The following BLM variants were observed in gnomAD, a reference collection of about 807,000 sequenced individuals.
The protein encoded by BLM is recQ-like DNA helicase BLM.
BLM carries 95 observed loss-of-function variants against 135.3 expected under a neutral mutation model. That is an observed-to-expected ratio of 0.70 (90% confidence interval 0.59 to 0.83). The LOEUF is 0.83. Ranked by LOEUF, BLM falls within the 40% of genes least tolerant of loss-of-function variation. The pLI, the probability that BLM is intolerant of heterozygous loss-of-function variation, is 0.00. For missense variants in BLM, 1,518 were observed against 1,663.9 expected, an observed-to-expected ratio of 0.91 and a Z score of 1.53; for synonymous variants, 520 against 589.2, an observed-to-expected ratio of 0.88 and a Z score of 1.70.
At chr15:90,770,062 CTA>C (rs1272405536) in intron 12 of BLM, among the ~76,000 whole-genome samples, 1 of 151,972 alleles carries the variant, frequency 6.6e-6, no homozygotes, top group African/African-American at 2.4e-5. Context: ...AGTCCAGATA[CTA>C]TGTCGAATAG....
At position 90,760,826 on chromosome 15, in the gene BLM, A is replaced by C. The variant is rs1895958352; in HGVS notation, c.1453A>C (p.Asn485His). 6.2e-7 allele frequency: 1 copy of C among 1,613,960 alleles called. No individual in the cohort carries two copies. Among genetic ancestry groups the C allele is most frequent in the Non-Finnish European group, 8.5e-7 (1 of 1,180,032 alleles). Residue 485 changes from asparagine (N) to histidine (H), a missense_variant, in exon 7 of 22, where the codon AAT (asparagine) becomes CAT (histidine). Transcript: ENST00000355112. Reference sequence around the variant, plus strand: ...GACAGGATTCTCTGCCACCAGGAAGAATCTTTTTGAAAGGCCTTTATTCAA... The same window carrying C: ...GACAGGATTCTCTGCCACCAGGAAGCATCTTTTTGAAAGGCCTTTATTCAA... Reference protein sequence around the residue: ...GKTGFSATRKNLFERPLFNTH... With the variant: ...GKTGFSATRKHLFERPLFNTH...
chr15:90,794,386 T>A (rs1896981552), intron 16 of BLM, 29 bp downstream of exon 16: 1 of 1,472,330 alleles, frequency 6.8e-7, no homozygotes, highest in East Asian at 2.5e-5. Flanking sequence ...AAATTCTTTA[T>A]AATTAAATTT....
intron 12 of BLM, among the ~76,000 whole-genome samples, chr15:90,770,467 T>C (rs547710179): frequency 6.6e-5 from 10 of 152,202 alleles, no homozygotes; most frequent in Non-Finnish European, 1.2e-4. Context: ...TGAGCCACCG[T>C]GCCCGGCCAA....
At chr15:90,805,883 T>C (rs907725498) in intron 19 of BLM, among the ~76,000 whole-genome samples, 1 of 151,992 alleles carries the variant, frequency 6.6e-6, no homozygotes, top group Non-Finnish European at 1.5e-5. Context: ...GTGCTGATTA[T>C]TTGCCTGCTT....
chr15:90,735,980 A>T (rs184415493), intron 1 of BLM, among the ~76,000 whole-genome samples: 4 of 152,360 alleles, frequency 2.6e-5, no homozygotes, highest in African/African-American at 7.2e-5. Context: ...ACAATTTTTT[A>T]AAAAGATTCA....
intron 16 of BLM, among the ~76,000 whole-genome samples, chr15:90,797,196 C>T (rs1182179235): frequency 1.3e-5 from 2 of 151,908 alleles, no homozygotes; most frequent in African/African-American, 4.8e-5. Context: ...GGCGGATCAC[C>T]TGAGGTCAGG....
chr15:90,742,759 C>T (rs1211134820), intron 1 of BLM, among the ~76,000 whole-genome samples: 3 of 151,948 alleles, frequency 2.0e-5, no homozygotes, highest in Admixed American at 1.3e-4. Context: ...CCTCAGCCTC[C>T]TGAGTAACTG....
At chr15:90,721,069 A>T (rs1321282461) in intron 1 of BLM, among the ~76,000 whole-genome samples, 1 of 152,184 alleles carries the variant, frequency 6.6e-6, no homozygotes, top group African/African-American at 2.4e-5. Context: ...TATTTATTTT[A>T]GTGAATCAGT....
At chr15:90,796,456 G>A (rs867783096) in intron 16 of BLM, among the ~76,000 whole-genome samples, 1 of 152,158 alleles carries the variant, frequency 6.6e-6, no homozygotes, top group Admixed American at 6.5e-5. Context: ...CTGTCACAAC[G>A]ACTCACAGCT....
intron 19 of BLM, among the ~76,000 whole-genome samples, chr15:90,806,556 A>T (rs568076914): frequency 3.0e-4 from 46 of 151,228 alleles, no homozygotes; most frequent in Non-Finnish European, 5.6e-4. Context: ...TAGTTTCCTT[A>T]TGAAGAGATT....
intron 1 of BLM, among the ~76,000 whole-genome samples, chr15:90,733,762 A>G (rs985961639): frequency 2.0e-5 from 3 of 151,028 alleles, no homozygotes; most frequent in Non-Finnish European, 4.4e-5. Context: ...ATCACTCTCA[A>G]AAGTTTCCTC....
chr15:90,787,917 T>G (rs1264366111), intron 14 of BLM, among the ~76,000 whole-genome samples: 2 of 150,704 alleles, frequency 1.3e-5, no homozygotes, highest in African/African-American at 4.9e-5. Flanking sequence ...GCCACTGTAC[T>G]CCAGCCTGGG....
intron 16 of BLM, among the ~76,000 whole-genome samples, chr15:90,795,137 A>C (rs959178265): frequency 6.6e-6 from 1 of 152,322 alleles, no homozygotes; most frequent in Admixed American, 6.5e-5. Flanking sequence ...CATGGTATGG[A>C]CCAATTCATA....
In BLM at chr15:90,751,857, A is replaced by G. The variant is rs757016773; in HGVS notation, c.870A>G (p.Glu290=). The G allele has an allele frequency of 3.7e-6, 6 of 1,612,744 alleles. No homozygotes were observed. The South Asian group carries it at 6.6e-5, about 18-fold the overall frequency. Residue 290 remains glutamate (E), a synonymous_variant, in exon 4 of 22, where the codon GAA becomes GAG. Coordinates refer to ENST00000355112, the MANE Select transcript of BLM (RefSeq NM_000057.4). The part of the protein sequence containing the change: ...LHSTEKVPCI[E]FDDDDYDTDF... ...CAACTGAGAAAGTTCCATGTATTGA[A>G]TTTGATGATGATGATTATGATACGG...
chr15:90,733,660 T>C (rs1895124701), intron 1 of BLM, among the ~76,000 whole-genome samples: 1 of 152,254 alleles, frequency 6.6e-6, no homozygotes, highest in Non-Finnish European at 1.5e-5. Flanking sequence ...AAAGTAGCTT[T>C]ATTGATATAG....
rs534671198 is a variant in BLM at position 90,782,629 on chromosome 15, T to C, written c.2556-193T>C. 2.6e-5 allele frequency among the ~76,000 whole-genome samples: 4 copies of C among 152,150 alleles called. No individual in the cohort carries two copies. In the South Asian group the frequency reaches 8.3e-4, roughly 32 times the overall value. ...ATGCGGGTGGGGAGAGCCAGCAAGG[T>C]CTCTACTTATTTTTGAGCACTTATC... On this transcript the variant is annotated intron_variant, in intron 12 of 21. Transcript: ENST00000355112.
chr15:90,766,668 T>C (rs1036364735), intron 9 of BLM, among the ~76,000 whole-genome samples: 4 of 152,200 alleles, frequency 2.6e-5, no homozygotes, highest in African/African-American at 7.2e-5. Flanking sequence ...CCCCAAGTGA[T>C]CCACCTGCCT....
intron 1 of BLM, among the ~76,000 whole-genome samples, chr15:90,727,590 G>C (rs994876598): frequency 1.3e-5 from 2 of 152,094 alleles, no homozygotes; most frequent in Admixed American, 6.6e-5. Flanking sequence ...TAAGTGACCA[G>C]CCCTCAATAA....
intron 1 of BLM, among the ~76,000 whole-genome samples, chr15:90,742,175 G>A (rs1895380149): frequency 6.6e-6 from 1 of 152,170 alleles, no homozygotes; most frequent in South Asian, 2.1e-4. Context: ...AGGTAAAGCT[G>A]AGGTTCATAA....
Sources: allele counts gnomAD v4.1 joint callset (sites outside exome capture counted in the v4.1 genomes callset), GRCh38; gene constraint gnomAD v4.1.1; transcripts MANE v1.5; gene names NCBI Gene and HGNC (gene_info 2026-07-23, HGNC 2026-07-21).